CCDC178: variants seen among roughly 807,000 people sequenced by gnomAD.
The protein encoded by CCDC178 is coiled-coil domain containing 178, also known as coiled-coil domain-containing protein 178.
CCDC178 carries 126 observed loss-of-function variants against 117.4 expected under a neutral mutation model. The observed-to-expected ratio is 1.07, with a 90% CI of 0.93 to 1.24. The LOEUF (loss-of-function observed/expected upper bound fraction) is 1.24, where lower values mean the gene tolerates loss of function less well. Ranked by LOEUF, CCDC178 falls within the 50% of genes most tolerant of loss-of-function variation. CCDC178 has a pLI of 0.00. For missense variants in CCDC178, 1,030 were observed against 986.9 expected (o/e 1.04, Z -0.59); for synonymous variants, 283 against 313.4 (o/e 0.90, Z 1.02).
intron 2 of CCDC178, among the ~76,000 whole-genome samples, chr18:33,439,327 C>T (rs1304468424): frequency 6.6e-6 from 1 of 151,158 alleles, no homozygotes; most frequent in African/African-American, 2.4e-5. Flanking sequence ...TGTGTTGAAT[C>T]TGAGGTGGGA....
At chr18:33,069,015 T>C (rs2057066398) in intron 21 of CCDC178, among the ~76,000 whole-genome samples, 2 of 152,006 alleles carry the variant, frequency 1.3e-5, no homozygotes, top group Admixed American at 1.3e-4. Flanking sequence ...GCATTTGTAT[T>C]CACCAATAAC....
intron 20 of CCDC178, among the ~76,000 whole-genome samples, chr18:33,105,697 G>T (rs2057696273): frequency 6.6e-6 from 1 of 151,452 alleles, no homozygotes; most frequent in Non-Finnish European, 1.5e-5. Flanking sequence ...AAATAATAAG[G>T]TTTCCAGTTC....
intron 2 of CCDC178, among the ~76,000 whole-genome samples, chr18:33,415,216 A>T (rs1174648886): frequency 6.6e-6 from 1 of 152,220 alleles, no homozygotes; most frequent in Non-Finnish European, 1.5e-5. Flanking sequence ...TACCCAAAGG[A>T]TTATAAATCA....
intron 11 of CCDC178, among the ~76,000 whole-genome samples, chr18:33,298,227 G>A (rs8182395): frequency 0.91 from 138,688 of 152,190 alleles, 63,312 homozygotes; most frequent in East Asian, 1. Flanking sequence ...AACATCTTCA[G>A]CAAAATGCCA....
chr18:33,215,418 CAT>C (rs985442655), intron 19 of CCDC178, 130 bp downstream of exon 19: 7 of 568,750 alleles, frequency 1.2e-5, no homozygotes, highest in African/African-American at 1.2e-4. Flanking sequence ...TCAAATAACA[CAT>C]ATATATTCCA....
chr18:32,979,036 A>G (rs1418347012), intron 21 of CCDC178, among the ~76,000 whole-genome samples: 1 of 141,854 alleles, frequency 7.0e-6, no homozygotes, highest in African/African-American at 2.6e-5. Flanking sequence ...GAATCCGTCT[A>G]AAAAAAAAAA....
intron 12 of CCDC178, among the ~76,000 whole-genome samples, chr18:33,275,535 GA>G (rs2059937556): frequency 7.0e-6 from 1 of 143,012 alleles, no homozygotes; most frequent in African/African-American, 2.6e-5. Context: ...CAAAGCCTAG[GA>G]AAATAAAAAG....
chr18:33,379,431 T>A (rs569616359), intron 5 of CCDC178, among the ~76,000 whole-genome samples: 7 of 151,924 alleles, frequency 4.6e-5, no homozygotes, highest in Admixed American at 4.6e-4. Context: ...TTGATTCTTG[T>A]TTACTGGGAG....
chr18:33,257,789 G>A (rs747257006), intron 14 of CCDC178, among the ~76,000 whole-genome samples: 3 of 151,854 alleles, frequency 2.0e-5, no homozygotes, highest in Admixed American at 6.6e-5. Context: ...ATTTGTCTTT[G>A]GGATCCTCCT....
At chr18:33,436,492 A>T (rs377682611) in intron 2 of CCDC178, among the ~76,000 whole-genome samples, 2 of 152,172 alleles carry the variant, frequency 1.3e-5, no homozygotes, top group African/African-American at 4.8e-5. Context: ...AAAGACTTGA[A>T]CATTTATTGC....
At chr18:33,149,458 G>C (rs1178261946) in intron 20 of CCDC178, among the ~76,000 whole-genome samples, 1 of 152,204 alleles carries the variant, frequency 6.6e-6, no homozygotes, top group Admixed American at 6.5e-5. Flanking sequence ...GAAGATCCTT[G>C]AAGCCTTTCC....
chr18:33,406,745 A>G (rs2063786581), intron 3 of CCDC178, among the ~76,000 whole-genome samples: 1 of 152,178 alleles, frequency 6.6e-6, no homozygotes, highest in Non-Finnish European at 1.5e-5. Flanking sequence ...TAGCAAGTCT[A>G]TAATCCATAC....
At chr18:32,994,468 G>GTAC (rs1322069544) in intron 21 of CCDC178, among the ~76,000 whole-genome samples, 1 of 152,108 alleles carries the variant, frequency 6.6e-6, no homozygotes, top group Non-Finnish European at 1.5e-5. Context: ...GGCAAACAGT[G>GTAC]TACAAATCTG....
chr18:33,111,842 A>T (rs569659291), intron 20 of CCDC178, among the ~76,000 whole-genome samples: 5 of 151,898 alleles, frequency 3.3e-5, no homozygotes, highest in Non-Finnish European at 7.4e-5. Context: ...ATCAAGAAAT[A>T]TTATTAAGAT....
chr18:33,263,520 G>A (rs1330540795), intron 14 of CCDC178, among the ~76,000 whole-genome samples: 1 of 151,968 alleles, frequency 6.6e-6, no homozygotes, highest in African/African-American at 2.4e-5. Context: ...CTGGGAATAA[G>A]ATCAAAACTC....
chr18:33,074,954 C>T (rs2057178523), intron 21 of CCDC178, among the ~76,000 whole-genome samples: 1 of 152,002 alleles, frequency 6.6e-6, no homozygotes, highest in South Asian at 2.1e-4. Flanking sequence ...GAAAATAATT[C>T]AGTGGAGAGG....
At chr18:33,172,537 A>G (rs1042894549) in intron 20 of CCDC178, among the ~76,000 whole-genome samples, 2 of 152,122 alleles carry the variant, frequency 1.3e-5, no homozygotes, top group African/African-American at 4.8e-5. Flanking sequence ...TTTCAAATAC[A>G]TTAGGCATGC....
Position 32,976,069 on chromosome 18 carries a change from G to T in CCDC178, c.2389-1388C>A, listed in dbSNP as rs2055021902. ...CCTCTATTTTTGGTTAGTTGATTAG[G>T]AAGAAGAAAAGACTTTGAAAACTAT... On this transcript the variant is annotated intron_variant, in intron 21 of 22. Transcript: ENST00000383096. 3.3e-5 allele frequency among the ~76,000 whole-genome samples: 5 copies of T among 152,126 alleles called. No homozygotes were observed. The South Asian group carries it at 1.0e-3, about 32-fold the overall frequency.
chr18:32,940,700 A>G (rs1178671382), intron 22 of CCDC178, among the ~76,000 whole-genome samples: 1 of 151,912 alleles, frequency 6.6e-6, no homozygotes, highest in Non-Finnish European at 1.5e-5. Context: ...AGTAGACCCC[A>G]GTGTCTGTTG....
Sources: allele counts gnomAD v4.1 joint callset (sites outside exome capture counted in the v4.1 genomes callset), GRCh38; gene constraint gnomAD v4.1.1; transcripts MANE v1.5; gene names NCBI Gene and HGNC (gene_info 2026-07-23, HGNC 2026-07-21).